Variants in CFAP299 observed in about 807,000 individuals in gnomAD.
The protein encoded by CFAP299 is cilia- and flagella-associated protein 299.
In CFAP299, 21 loss-of-function variants were observed where a neutral mutation model predicts 27.0. The ratio of observed to expected loss-of-function variants is 0.78; its 90% CI spans 0.55 to 1.12. The LOEUF (loss-of-function observed/expected upper bound fraction) is 1.12. Among genes scored for constraint, CFAP299 ranks in the 50% most tolerant of loss-of-function variants. The pLI is 0.00. For synonymous variants in CFAP299, 104 were observed against 98.1 expected (o/e 1.06, Z -0.36); for missense variants, 310 against 276.6 (o/e 1.12, Z -0.86).
chr4:80,740,042 C>T (rs1357093297), intron 3 of CFAP299, among the ~76,000 whole-genome samples: 1 of 152,090 alleles, frequency 6.6e-6, no homozygotes, highest in Non-Finnish European at 1.5e-5. Context: ...TATCTAATAG[C>T]ATTCTGAATT....
chr4:80,533,183 A>C (rs965624632), intron 2 of CFAP299, among the ~76,000 whole-genome samples: 3 of 152,232 alleles, frequency 2.0e-5, no homozygotes, highest in Non-Finnish European at 2.9e-5. Flanking sequence ...ACTCGTTAGA[A>C]ATATTAAATC....
intron 2 of CFAP299, chr4:80,420,095 T>C (rs1727219962): frequency 2.4e-6 from 1 of 425,314 alleles, no homozygotes. Context: ...GAATAGATCA[T>C]GGGAGGGGGA....
At chr4:80,855,799 T>A (rs1490592526) in intron 3 of CFAP299, among the ~76,000 whole-genome samples, 2 of 152,118 alleles carry the variant, frequency 1.3e-5, no homozygotes, top group Non-Finnish European at 2.9e-5. Flanking sequence ...CTTAATCCAG[T>A]CTATCATTGT....
At chr4:80,672,758 C>G (rs1377766608) in intron 3 of CFAP299, among the ~76,000 whole-genome samples, 3 of 152,126 alleles carry the variant, frequency 2.0e-5, no homozygotes, top group Admixed American at 2.0e-4. Context: ...AAGAATTTAT[C>G]CATTTCTTCT....
At chr4:80,905,412 C>G (rs955336446) in intron 4 of CFAP299, among the ~76,000 whole-genome samples, 2 of 152,124 alleles carry the variant, frequency 1.3e-5, no homozygotes, top group African/African-American at 4.8e-5. Flanking sequence ...GACTACAGGG[C>G]TGATTTCCAT....
chr4:80,854,481 A>G (rs1398889423), intron 3 of CFAP299, among the ~76,000 whole-genome samples: 1 of 152,002 alleles, frequency 6.6e-6, no homozygotes, highest in Non-Finnish European at 1.5e-5. Flanking sequence ...AAGTAACATG[A>G]GATGAAATGA....
At chr4:80,632,493 A>G (rs1250314772) in intron 3 of CFAP299, among the ~76,000 whole-genome samples, 2 of 152,180 alleles carry the variant, frequency 1.3e-5, no homozygotes, top group African/African-American at 4.8e-5. Context: ...GCTACAGGTA[A>G]TAAAACTCTG....
chr4:80,573,917 A>G (rs1196671883), intron 2 of CFAP299, among the ~76,000 whole-genome samples: 2 of 151,962 alleles, frequency 1.3e-5, no homozygotes, highest in Non-Finnish European at 2.9e-5. Flanking sequence ...TGTTCCTTTT[A>G]CTTAGGATAG....
At chr4:80,650,270 A>T (rs1253045146) in intron 3 of CFAP299, among the ~76,000 whole-genome samples, 6 of 151,984 alleles carry the variant, frequency 3.9e-5, no homozygotes, top group African/African-American at 1.5e-4. Context: ...AACATCAATT[A>T]AAAATATTTT....
intron 1 of CFAP299, among the ~76,000 whole-genome samples, chr4:80,345,269 T>G (rs1486921388): frequency 6.6e-6 from 1 of 151,664 alleles, no homozygotes; most frequent in Non-Finnish European, 1.5e-5. Flanking sequence ...AGTTTCTTTT[T>G]GTTATTATTA....
chr4:80,799,830 TTATATATTATATTATATAATATATAAA>T (rs1728256354), intron 3 of CFAP299, among the ~76,000 whole-genome samples: 1 of 36,674 alleles, frequency 2.7e-5, no homozygotes, highest in African/African-American at 1.2e-4. Context: ...TTATATATAT[TTATATATTATATTATATAATATATAAA>T]TATATATTAT....
chr4:80,759,192 A>G (rs926887112), intron 3 of CFAP299, among the ~76,000 whole-genome samples: 10 of 152,152 alleles, frequency 6.6e-5, no homozygotes, highest in Non-Finnish European at 8.8e-5. Context: ...TATGATAAAT[A>G]TCTCTTATGT....
intron 1 of CFAP299, among the ~76,000 whole-genome samples, chr4:80,360,555 G>A (rs937969152): frequency 1.3e-5 from 2 of 152,164 alleles, no homozygotes; most frequent in African/African-American, 4.8e-5. Context: ...TGATATGTTT[G>A]TCGTATATCT....
intron 3 of CFAP299, among the ~76,000 whole-genome samples, chr4:80,739,298 A>G (rs1724114694): frequency 6.6e-6 from 1 of 151,794 alleles, no homozygotes; most frequent in African/African-American, 2.4e-5. Flanking sequence ...CTTTAGCATT[A>G]TTTTCTTTCT....
intron 2 of CFAP299, among the ~76,000 whole-genome samples, chr4:80,551,262 G>A (rs1022796925): frequency 2.0e-5 from 3 of 152,100 alleles, no homozygotes; most frequent in African/African-American, 7.2e-5. Flanking sequence ...AACGGTATTT[G>A]TGGTACATTA....
At chr4:80,928,084 C>T (rs1458036765) in intron 4 of CFAP299, among the ~76,000 whole-genome samples, 1 of 152,148 alleles carries the variant, frequency 6.6e-6, no homozygotes, top group Admixed American at 6.6e-5. Context: ...TCTCCAGATA[C>T]AGCAACAGAG....
chr4:80,666,924 T>TTTGTC (rs1741169387), intron 3 of CFAP299, among the ~76,000 whole-genome samples: 1 of 152,164 alleles, frequency 6.6e-6, no homozygotes, highest in African/African-American at 2.4e-5. Context: ...CTGACTGAGG[T>TTTGTC]TTGTCTACCT....
chr4:80,362,629 A>T, intron 1 of CFAP299, 125 bp from the exon 2 acceptor site: 1 of 1,039,806 alleles, frequency 9.6e-7, no homozygotes, highest in Non-Finnish European at 1.3e-6. Context: ...TCTAGTTTTT[A>T]AATACATTTA....
intron 3 of CFAP299, among the ~76,000 whole-genome samples, chr4:80,601,164 A>C (rs1410680941): frequency 6.6e-6 from 1 of 152,142 alleles, no homozygotes; most frequent in African/African-American, 2.4e-5. Flanking sequence ...TTGAGACTCA[A>C]AGAGGTGATA....
Sources: allele counts gnomAD v4.1 joint callset (sites outside exome capture counted in the v4.1 genomes callset), GRCh38; gene constraint gnomAD v4.1.1; transcripts MANE v1.5; gene names NCBI Gene and HGNC (gene_info 2026-07-23, HGNC 2026-07-21).